Variants in FHOD3 observed in about 807,000 individuals in gnomAD.
FHOD3 encodes formin homology 2 domain containing 3.
Under a neutral mutation model 173.0 loss-of-function variants are expected in FHOD3, and 90 were observed. The ratio of observed to expected loss-of-function variants is 0.52; its 90% CI spans 0.44 to 0.62. The LOEUF is 0.62. FHOD3 is among the 20% of genes least tolerant of loss of function. The pLI is 0.00. For missense variants in FHOD3, 1,945 were observed against 2,034.7 expected (o/e 0.96, Z 0.85); for synonymous variants, 828 against 823.0 (o/e 1.01, Z -0.10).
chr18:36,452,203 A>C (rs2051896719), intron 3 of FHOD3, among the ~76,000 whole-genome samples: 1 of 152,080 alleles, frequency 6.6e-6, no homozygotes, highest in Non-Finnish European at 1.5e-5. Flanking sequence ...TTTTATTTTA[A>C]AAGCATCTCG....
chr18:36,416,393 A>G (rs1312411352), intron 3 of FHOD3, among the ~76,000 whole-genome samples: 2 of 152,128 alleles, frequency 1.3e-5, no homozygotes, highest in Non-Finnish European at 2.9e-5. Context: ...CTTGAACGTT[A>G]TTTAGGAAGT....
intron 3 of FHOD3, among the ~76,000 whole-genome samples, chr18:36,469,570 T>A (rs1464528677): frequency 6.6e-6 from 1 of 152,210 alleles, no homozygotes; most frequent in Non-Finnish European, 1.5e-5. Context: ...AAAACCCAAC[T>A]GCTTCATAAG....
At chr18:36,354,095 T>C (rs1363925193) in intron 1 of FHOD3, among the ~76,000 whole-genome samples, 1 of 152,218 alleles carries the variant, frequency 6.6e-6, no homozygotes, top group Non-Finnish European at 1.5e-5. Flanking sequence ...GGCAAGACTG[T>C]GTGCCTGGGG....
At chr18:36,467,573 C>T (rs2053019286) in intron 3 of FHOD3, among the ~76,000 whole-genome samples, 1 of 152,120 alleles carries the variant, frequency 6.6e-6, no homozygotes, top group Non-Finnish European at 1.5e-5. Flanking sequence ...AGGGCAAATC[C>T]CTTGACTGCC....
At chr18:36,667,002 T>C (rs990934318) in intron 14 of FHOD3, among the ~76,000 whole-genome samples, 8 of 152,222 alleles carry the variant, frequency 5.3e-5, no homozygotes, top group Non-Finnish European at 5.9e-5. Context: ...TTTATATAAG[T>C]GTAATCAGGC....
chr18:36,483,281 A>T (rs149308957), intron 3 of FHOD3, among the ~76,000 whole-genome samples: 2,034 of 152,298 alleles, frequency 0.013, 49 homozygotes, highest in African/African-American at 0.046. Flanking sequence ...AGTGTGGCTG[A>T]TGGAGAGGCA....
chr18:36,646,929 G>C (rs141846711), intron 10 of FHOD3, among the ~76,000 whole-genome samples: 1 of 152,156 alleles, frequency 6.6e-6, no homozygotes, highest in Non-Finnish European at 1.5e-5. Flanking sequence ...ATGACAAAGG[G>C]CAAATGATAT....
chr18:36,691,792 G>C (rs2038979696), intron 16 of FHOD3, among the ~76,000 whole-genome samples: 1 of 152,240 alleles, frequency 6.6e-6, no homozygotes. Context: ...CACTCTGCAG[G>C]CTTCTCCCTG....
intron 3 of FHOD3, among the ~76,000 whole-genome samples, chr18:36,459,798 A>G (rs943038042): frequency 2.6e-5 from 4 of 152,190 alleles, no homozygotes; most frequent in Admixed American, 6.5e-5. Context: ...CTAAGCTGGT[A>G]CTTTTGTCAC....
intron 27 of FHOD3, 112 bp downstream of exon 27, chr18:36,760,894 G>C: frequency 1.8e-6 from 2 of 1,135,260 alleles, no homozygotes; most frequent in Non-Finnish European, 1.2e-6. Context: ...CTCGGCTCCA[G>C]TGCCAACCTA....
At chr18:36,541,249 C>CAAAAAAAA (rs770104487) in intron 5 of FHOD3, among the ~76,000 whole-genome samples, 1 of 40,356 alleles carries the variant, frequency 2.5e-5, no homozygotes, top group Non-Finnish European at 5.2e-5. Flanking sequence ...GACTCTGTCT[C>CAAAAAAAA]AAAAAAAAAA....
intron 3 of FHOD3, among the ~76,000 whole-genome samples, chr18:36,497,681 C>T: frequency 6.6e-6 from 1 of 152,102 alleles, no homozygotes; most frequent in East Asian, 1.9e-4. Context: ...AGCACACCTA[C>T]CAACAGAACT....
intron 18 of FHOD3, chr18:36,710,214 A>G (rs922657108): frequency 6.6e-6 from 1 of 152,248 alleles, no homozygotes; most frequent in African/African-American, 2.4e-5. Context: ...CTGTGACACC[A>G]CAGGATTACT....
chr18:36,475,488 G>T (rs1708704), intron 3 of FHOD3, among the ~76,000 whole-genome samples: 102 of 149,306 alleles, frequency 6.8e-4, no homozygotes, highest in East Asian at 5.4e-3. Flanking sequence ...GGTTGGGTGC[G>T]GGGTGGGAGG....
chr18:36,373,364 T>C (rs1006971455), intron 3 of FHOD3, among the ~76,000 whole-genome samples: 1 of 152,226 alleles, frequency 6.6e-6, no homozygotes, highest in Non-Finnish European at 1.5e-5. Context: ...AATTTTGCTT[T>C]TGTTTAATGT....
At chr18:36,675,701 G>A (rs192067702) in intron 14 of FHOD3, among the ~76,000 whole-genome samples, 7 of 152,250 alleles carry the variant, frequency 4.6e-5, no homozygotes, top group Non-Finnish European at 1.0e-4. Flanking sequence ...CTGGGAGCAC[G>A]GAGACTAGCA....
intron 3 of FHOD3, among the ~76,000 whole-genome samples, chr18:36,482,009 T>C (rs954725373): frequency 6.6e-6 from 1 of 152,160 alleles, no homozygotes; most frequent in Admixed American, 6.5e-5. Flanking sequence ...ACCTTATGTC[T>C]TAAAGATCCT....
intron 24 of FHOD3, among the ~76,000 whole-genome samples, chr18:36,748,361 C>T (rs1026518281): frequency 5.7e-5 from 8 of 139,396 alleles, no homozygotes; most frequent in Admixed American, 2.2e-4. Context: ...AATACACGCA[C>T]GCGCACACAC....
intron 3 of FHOD3, among the ~76,000 whole-genome samples, chr18:36,444,192 CA>C (rs71168225): frequency 1.1e-3 from 93 of 88,042 alleles, no homozygotes; most frequent in Non-Finnish European, 1.3e-3. Context: ...GACTCCGTCT[CA>C]AAAAAAAAAA....
Sources: allele counts gnomAD v4.1 joint callset (sites outside exome capture counted in the v4.1 genomes callset), GRCh38; gene constraint gnomAD v4.1.1; transcripts MANE v1.5; gene names NCBI Gene and HGNC (gene_info 2026-07-23, HGNC 2026-07-21).